CTNNA2: variants seen among roughly 807,000 people sequenced by gnomAD.
The protein encoded by CTNNA2 is catenin alpha-2.
CTNNA2 carries 42 observed loss-of-function variants against 101.0 expected under a neutral mutation model. The ratio of observed to expected loss-of-function variants is 0.42; its 90% CI spans 0.32 to 0.54. The LOEUF is 0.54. CTNNA2 is among the 20% of genes least tolerant of loss of function. The probability of loss-of-function intolerance (pLI) is 0.14; values close to 1 mark genes in which losing one functional copy is unlikely to be tolerated. For missense variants in CTNNA2, 871 were observed against 1,223.1 expected (o/e 0.71, Z 4.29); for synonymous variants, 450 against 456.4 (o/e 0.99, Z 0.18).
At chr2:79,990,742 T>C (rs1245284844) in intron 7 of CTNNA2, among the ~76,000 whole-genome samples, 3 of 152,112 alleles carry the variant, frequency 2.0e-5, no homozygotes, top group African/African-American at 7.2e-5. Flanking sequence ...AAATTCTCTT[T>C]TTTTGTTGTG....
chr2:80,035,782 G>A (rs1453014628), intron 7 of CTNNA2, among the ~76,000 whole-genome samples: 2 of 152,134 alleles, frequency 1.3e-5, no homozygotes, highest in African/African-American at 2.4e-5. Context: ...CACCTGTATC[G>A]AATCATCAGT....
At chr2:79,695,615 C>T (rs772972439) in intron 2 of CTNNA2, among the ~76,000 whole-genome samples, 2 of 151,936 alleles carry the variant, frequency 1.3e-5, no homozygotes, top group African/African-American at 2.4e-5. Context: ...GTCTTCAAAA[C>T]ATGAAGCAGA....
intron 1 of CTNNA2, among the ~76,000 whole-genome samples, chr2:79,192,377 C>T (rs1283259920): frequency 6.6e-6 from 1 of 152,034 alleles, no homozygotes; most frequent in Non-Finnish European, 1.5e-5. Flanking sequence ...TGACCTTAAC[C>T]CTGCATGTTC....
intron 6 of CTNNA2, among the ~76,000 whole-genome samples, chr2:79,904,381 A>G (rs1192537810): frequency 1.3e-5 from 2 of 152,218 alleles, no homozygotes; most frequent in African/African-American, 4.8e-5. Context: ...TGGGAGGGTT[A>G]GGTGACTCAG....
rs545366373 is a variant in CTNNA2 at position 79,513,849 on chromosome 2, A to C, written c.-6+642A>C. Among the ~76,000 whole-genome samples, 150 of 152,226 alleles carry C rather than the reference A, an allele frequency of 9.9e-4. 1 individual carries two copies. The highest frequency in any genetic ancestry group is 3.5e-3 in the African/African-American group (145 of 41,520). On this transcript the variant is annotated intron_variant, in intron 1 of 18. Transcript: ENST00000402739. ...CATATTTCCAGTGTGTGTCTCACCA[A>C]TTTAAAATCCAGCCTTCCCTGCTTT...
intron 1 of CTNNA2, among the ~76,000 whole-genome samples, chr2:79,556,502 C>T (rs946696286): frequency 1.3e-5 from 2 of 151,924 alleles, no homozygotes; most frequent in Non-Finnish European, 2.9e-5. Context: ...ATGATTCTGA[C>T]GGTTTCTAGT....
rs756459331 is a variant in CTNNA2, at chr2:80,393,165, A to C, written c.1057-46A>C. 2.1e-6 allele frequency: 3 copies of C among 1,438,314 alleles called. No individual in the cohort carries two copies. The African/African-American group carries it at 4.3e-5, about 21-fold the overall frequency. 89.1% of individuals were successfully genotyped at this position (1,438,314 alleles called of 1,614,324 possible). ...ATTTTTTTAAATTTTTAATGTCTCTAACATTGAATATGCTAAATCAGAAAT... is the reference window on the plus strand; with the variant it reads ...ATTTTTTTAAATTTTTAATGTCTCTCACATTGAATATGCTAAATCAGAAAT... On this transcript the variant is annotated intron_variant, in intron 7 of 18. Coordinates refer to ENST00000402739, the MANE Select transcript of CTNNA2 (RefSeq NM_001282597.3).
intron 9 of CTNNA2, among the ~76,000 whole-genome samples, chr2:80,471,897 G>A (rs1276143965): frequency 6.6e-6 from 1 of 152,108 alleles, no homozygotes; most frequent in Non-Finnish European, 1.5e-5. Context: ...AGGCCGAGGT[G>A]AGTGGATCAT....
chr2:79,902,112 G>A (rs962375509), intron 6 of CTNNA2, among the ~76,000 whole-genome samples: 1 of 152,186 alleles, frequency 6.6e-6, no homozygotes, highest in Non-Finnish European at 1.5e-5. Context: ...CCCTCTTGAA[G>A]TATGAAAGAA....
At chr2:80,066,934 C>G (rs1049769257) in intron 7 of CTNNA2, among the ~76,000 whole-genome samples, 2 of 151,958 alleles carry the variant, frequency 1.3e-5, no homozygotes, top group Non-Finnish European at 2.9e-5. Flanking sequence ...CTTTCATTTG[C>G]AAAAATATAG....
intron 3 of CTNNA2, among the ~76,000 whole-genome samples, chr2:79,327,548 T>C (rs1676775211): frequency 6.6e-6 from 1 of 152,072 alleles, no homozygotes; most frequent in Non-Finnish European, 1.5e-5. Flanking sequence ...GCTCAGCTGG[T>C]TTCAACTTTA....
In CTNNA2 at chr2:80,060,056, G is replaced by A. The variant is rs73940926; in HGVS notation, c.1056+150259G>A. ...TTGTCTCTCTAGACCAGGATTTCTC[G>A]ATCTCACTGAGTCCAAGAATGAGCA... On this transcript the variant is annotated intron_variant, in intron 7 of 18. Coordinates refer to ENST00000402739, the MANE Select transcript of CTNNA2 (RefSeq NM_001282597.3). Among the ~76,000 whole-genome samples the A allele has an allele frequency of 6.1e-3, 925 of 152,244 alleles. 10 individuals are homozygous for A. The highest frequency in any genetic ancestry group is 0.021 in the African/African-American group (861 of 41,546).
chr2:79,222,629 C>A (rs540571435), intron 2 of CTNNA2, among the ~76,000 whole-genome samples: 1 of 152,192 alleles, frequency 6.6e-6, no homozygotes, highest in African/African-American at 2.4e-5. Flanking sequence ...TCAAGGGTAA[C>A]TTTCTCCCTC....
At chr2:79,811,132 A>C (rs540828808) in intron 3 of CTNNA2, among the ~76,000 whole-genome samples, 1,684 of 151,754 alleles carry the variant, frequency 0.011, 42 homozygotes, top group African/African-American at 0.039. Context: ...GAACTAGTTT[A>C]CAGTCCCACC....
chr2:79,342,336 A>T (rs1377930218), intron 3 of CTNNA2, among the ~76,000 whole-genome samples: 1 of 152,218 alleles, frequency 6.6e-6, no homozygotes, highest in Non-Finnish European at 1.5e-5. Flanking sequence ...TGCTGTGATG[A>T]GAAAGATTTT....
intron 1 of CTNNA2, among the ~76,000 whole-genome samples, chr2:79,531,827 G>A (rs146776191): frequency 9.2e-4 from 139 of 151,904 alleles, no homozygotes; most frequent in Middle Eastern, 3.4e-3. Flanking sequence ...GATTACAGGC[G>A]CGTGCCACAA....
chr2:79,357,164 A>G (rs1677526256), intron 3 of CTNNA2, among the ~76,000 whole-genome samples: 1 of 152,104 alleles, frequency 6.6e-6, no homozygotes, highest in African/African-American at 2.4e-5. Context: ...TCATCTGTAT[A>G]CAAAGAAAAA....
At chr2:79,586,857 C>T (rs1398247650) in intron 1 of CTNNA2, among the ~76,000 whole-genome samples, 1 of 150,956 alleles carries the variant, frequency 6.6e-6, no homozygotes, top group Admixed American at 6.6e-5. Flanking sequence ...AGTTCATCTT[C>T]TCATTCTTAT....
intron 3 of CTNNA2, among the ~76,000 whole-genome samples, chr2:79,832,061 T>G (rs1006657036): frequency 6.6e-6 from 1 of 152,194 alleles, no homozygotes. Context: ...GCAGTCATTT[T>G]CCTGTTAAGT....
Sources: allele counts gnomAD v4.1 joint callset (sites outside exome capture counted in the v4.1 genomes callset), GRCh38; gene constraint gnomAD v4.1.1; transcripts MANE v1.5; gene names NCBI Gene and HGNC (gene_info 2026-07-23, HGNC 2026-07-21).